Variants in TLK2 observed in about 807,000 individuals in gnomAD.
The protein encoded by TLK2 is serine/threonine-protein kinase tousled-like 2.
In TLK2, 6 loss-of-function variants were observed where a neutral mutation model predicts 117.3. That is an observed-to-expected ratio of 0.05 (90% confidence interval 0.03 to 0.10). The LOEUF is 0.10. Ranked by LOEUF, TLK2 falls within the 10% of genes least tolerant of loss-of-function variation. The pLI is 1.00. For synonymous variants in TLK2, 257 were observed against 316.7 expected, an observed-to-expected ratio of 0.81 and a Z score of 2.00; for missense variants, 299 against 901.2, an observed-to-expected ratio of 0.33 and a Z score of 8.56.
At chr17:62,484,771 T>C (rs1441162457) in intron 2 of TLK2, among the ~76,000 whole-genome samples, 1 of 152,086 alleles carries the variant, frequency 6.6e-6, no homozygotes, top group African/African-American at 2.4e-5. Context: ...TATCACTGTG[T>C]TAGGGCCAGG....
chr17:62,576,859 A>C, intron 13 of TLK2, 84 bp downstream of exon 13: 1 of 1,026,770 alleles, frequency 9.7e-7, no homozygotes, highest in Non-Finnish European at 1.5e-6. Flanking sequence ...ATTTGGGTGA[A>C]TGTAATAGTA....
upstream of TLK2, among the ~76,000 whole-genome samples, chr17:62,475,078 C>T (rs2071012525): frequency 6.6e-6 from 1 of 152,158 alleles, no homozygotes. Context: ...GAGCTCTTTC[C>T]TAGCAACCAA....
intron 2 of TLK2, among the ~76,000 whole-genome samples, chr17:62,484,146 A>G (rs1184951290): frequency 6.6e-6 from 1 of 151,686 alleles, no homozygotes; most frequent in Admixed American, 6.6e-5. Flanking sequence ...TTACTTTGAT[A>G]TTTCCAGTCA....
At chr17:62,588,735 G>C (rs1481681518) in intron 16 of TLK2, among the ~76,000 whole-genome samples, 3 of 152,144 alleles carry the variant, frequency 2.0e-5, no homozygotes, top group African/African-American at 7.2e-5. Context: ...TCTTTTGAAA[G>C]AATTGGCTTT....
At chr17:62,606,499 G>T (rs2083311407) in intron 20 of TLK2, among the ~76,000 whole-genome samples, 1 of 152,116 alleles carries the variant, frequency 6.6e-6, no homozygotes, top group African/African-American at 2.4e-5. Flanking sequence ...AATTAGATCT[G>T]GAACATGTAT....
intron 20 of TLK2, among the ~76,000 whole-genome samples, chr17:62,606,572 C>T (rs1351467009): frequency 2.6e-5 from 4 of 152,164 alleles, no homozygotes; most frequent in African/African-American, 7.2e-5. Flanking sequence ...ATACAATCTT[C>T]CCAAGAACCT....
In TLK2 at chr17:62,515,613, G is replaced by A. The variant is rs2075514839; in HGVS notation, c.82-5160G>A. 2.6e-5 allele frequency among the ~76,000 whole-genome samples: 4 copies of A among 152,022 alleles called. No individual in the cohort carries two copies. The South Asian group carries it at 8.3e-4, about 32-fold the overall frequency. ...TTGAGCATCTTTTCATGTGGTCGTT[G>A]GCCATTTTTATATCTTTGGAGAAAT... On this transcript the variant is annotated intron_variant, in intron 2 of 21. Transcript: ENST00000346027.
upstream of TLK2, among the ~76,000 whole-genome samples, chr17:62,478,352 G>A (rs1215343682): frequency 6.6e-6 from 1 of 151,364 alleles, no homozygotes; most frequent in African/African-American, 2.4e-5. Context: ...CGCGGGGGCC[G>A]GCGAGGCGGA....
chr17:62,504,082 G>A (rs2074456722), intron 2 of TLK2, among the ~76,000 whole-genome samples: 1 of 152,166 alleles, frequency 6.6e-6, no homozygotes, highest in South Asian at 2.1e-4. Flanking sequence ...GCCCCTATGG[G>A]TGGCAAGTTA....
In TLK2 at chr17:62,575,136, T is replaced by G. The variant is rs550883778; in HGVS notation, c.1122-1573T>G. ...AGGTTGTTTCTTTGCCACAGAAGAATAATTAGAATGCAATCTAGGCTAGTA... is the reference window on the plus strand; with the variant it reads ...AGGTTGTTTCTTTGCCACAGAAGAAGAATTAGAATGCAATCTAGGCTAGTA... On this transcript the variant is annotated intron_variant, in intron 12 of 21. Transcript: ENST00000346027. 2.0e-5 allele frequency among the ~76,000 whole-genome samples: 3 copies of G among 152,320 alleles called. No individual in the cohort carries two copies. The South Asian group carries it at 6.2e-4, about 32-fold the overall frequency.
At chr17:62,558,633 A>G in intron 9 of TLK2, among the ~76,000 whole-genome samples, 1 of 152,238 alleles carries the variant, frequency 6.6e-6, no homozygotes, top group Non-Finnish European at 1.5e-5. Context: ...TTTTCCATAT[A>G]CATTAAATGA....
chr17:62,472,426 G>T (rs1006775256), intron 1 of TLK2, among the ~76,000 whole-genome samples: 1 of 152,016 alleles, frequency 6.6e-6, no homozygotes, highest in African/African-American at 2.4e-5. Flanking sequence ...GGCTCTACTT[G>T]CAGTGCCCCC....
intron 11 of TLK2, among the ~76,000 whole-genome samples, chr17:62,570,124 C>A (rs1598653133): frequency 6.6e-6 from 1 of 152,198 alleles, no homozygotes; most frequent in South Asian, 2.1e-4. Flanking sequence ...TCCAGTATGA[C>A]CTCATCTTCA....
At chr17:62,541,869 C>G (rs1169590175) in intron 7 of TLK2, among the ~76,000 whole-genome samples, 3 of 152,154 alleles carry the variant, frequency 2.0e-5, no homozygotes, top group Non-Finnish European at 4.4e-5. Flanking sequence ...AGTATTTGGA[C>G]TCACAGTCTA....
intron 10 of TLK2, among the ~76,000 whole-genome samples, 197 bp from the exon 11 acceptor site, chr17:62,564,804 T>G (rs1322272696): frequency 1.3e-5 from 2 of 152,170 alleles, no homozygotes; most frequent in Admixed American, 6.5e-5. Flanking sequence ...AACTTGTGGT[T>G]GTTTCATTAT....
At chr17:62,556,613 A>T (rs1368259285) in intron 9 of TLK2, among the ~76,000 whole-genome samples, 2 of 152,150 alleles carry the variant, frequency 1.3e-5, no homozygotes, top group Non-Finnish European at 2.9e-5. Flanking sequence ...TTTTTCAAGC[A>T]TTTCGTATTT....
intron 11 of TLK2, among the ~76,000 whole-genome samples, chr17:62,570,688 C>A (rs1288651673): frequency 6.6e-6 from 1 of 152,110 alleles, no homozygotes; most frequent in East Asian, 1.9e-4. Context: ...TTCAAACTTT[C>A]GTTCTCAGAA....
At chr17:62,495,562 A>C (rs1216676735) in intron 2 of TLK2, among the ~76,000 whole-genome samples, 1 of 151,128 alleles carries the variant, frequency 6.6e-6, no homozygotes, top group Non-Finnish European at 1.5e-5. Flanking sequence ...TTACATGCAT[A>C]AGCCACCACG....
chr17:62,557,627 G>A (rs1425307835), intron 9 of TLK2, among the ~76,000 whole-genome samples: 10 of 151,974 alleles, frequency 6.6e-5, no homozygotes, highest in East Asian at 3.9e-4. Flanking sequence ...AATTGCCATC[G>A]AAGATTTATA....
Sources: allele counts gnomAD v4.1 joint callset (sites outside exome capture counted in the v4.1 genomes callset), GRCh38; gene constraint gnomAD v4.1.1; transcripts MANE v1.5; gene names NCBI Gene and HGNC (gene_info 2026-07-23, HGNC 2026-07-21).